Variants in LYN observed in about 807,000 individuals in gnomAD.
LYN encodes tyrosine-protein kinase Lyn.
LYN carries 12 observed loss-of-function variants against 65.0 expected under a neutral mutation model. The observed-to-expected ratio is 0.18, with a 90% CI of 0.12 to 0.30. The LOEUF is 0.30. Ranked by LOEUF, LYN falls within the 10% of genes least tolerant of loss-of-function variation. LYN has a pLI of 1.00. For synonymous variants in LYN, 222 were observed against 221.2 expected (o/e 1.00, Z -0.03); for missense variants, 380 against 623.2 (o/e 0.61, Z 4.16).
chr8:55,988,507 T>C (rs1022510324), intron 10 of LYN, among the ~76,000 whole-genome samples: 9 of 152,172 alleles, frequency 5.9e-5, no homozygotes, highest in African/African-American at 1.7e-4. Flanking sequence ...ATCCTAGGGC[T>C]TTTGAACATC....
intron 1 of LYN, among the ~76,000 whole-genome samples, chr8:55,940,632 A>C (rs1806582528): frequency 6.6e-6 from 1 of 152,158 alleles, no homozygotes; most frequent in Non-Finnish European, 1.5e-5. Flanking sequence ...CCTTGGCTTC[A>C]CAAAGTGCTG....
intron 10 of LYN, among the ~76,000 whole-genome samples, chr8:55,988,291 G>GGTGTGT (rs57413136): frequency 0.16 from 23,237 of 142,028 alleles, 1,948 homozygotes; most frequent in Middle Eastern, 0.22. Flanking sequence ...CAAACTCCCT[G>GGTGTGT]GTGTGTGTGT....
chr8:55,883,573 C>T (rs1226567324), intron 1 of LYN, among the ~76,000 whole-genome samples: 1 of 152,224 alleles, frequency 6.6e-6, no homozygotes, highest in African/African-American at 2.4e-5. Context: ...ATGGTTAATA[C>T]AGAAGTACCT....
intron 10 of LYN, among the ~76,000 whole-genome samples, chr8:55,972,827 A>G (rs1363688362): frequency 6.6e-6 from 1 of 152,148 alleles, no homozygotes; most frequent in Non-Finnish European, 1.5e-5. Context: ...TAGGGTGGAA[A>G]TTTAGGGATA....
At chr8:55,895,794 G>C (rs1046142398) in intron 1 of LYN, 1 of 152,170 alleles carries the variant, frequency 6.6e-6, no homozygotes, top group Non-Finnish European at 1.5e-5. Flanking sequence ...ACGGGGTAAT[G>C]TACCTGGGAG....
At chr8:55,943,851 G>A (rs1806697886) in intron 2 of LYN, among the ~76,000 whole-genome samples, 1 of 152,040 alleles carries the variant, frequency 6.6e-6, no homozygotes, top group South Asian at 2.1e-4. Context: ...GGGAGGCCGA[G>A]GCAGGTGCAT....
At chr8:55,941,582 C>T (rs1374848702) in intron 1 of LYN, among the ~76,000 whole-genome samples, 2 of 152,112 alleles carry the variant, frequency 1.3e-5, no homozygotes, top group Admixed American at 6.5e-5. Context: ...CCTCTGTCAT[C>T]GAGTCTTTAC....
intron 1 of LYN, among the ~76,000 whole-genome samples, chr8:55,913,868 G>C (rs1805709757): frequency 6.6e-6 from 1 of 152,274 alleles, no homozygotes; most frequent in African/African-American, 2.4e-5. Flanking sequence ...AGGTATGAAG[G>C]GCCTTGGAGT....
intron 12 of LYN, among the ~76,000 whole-genome samples, chr8:56,004,334 C>T (rs528124026): frequency 6.7e-6 from 1 of 148,254 alleles, no homozygotes; most frequent in South Asian, 2.1e-4. Context: ...CGCTCCGTCA[C>T]CCAGGCTAGA....
Position 55,890,752 on chromosome 8 carries a change from G to A in LYN, c.-6+10649G>A, listed in dbSNP as rs866536898. On this transcript the variant is annotated intron_variant, in intron 1 of 12. Coordinates refer to ENST00000519728, the MANE Select transcript of LYN (RefSeq NM_002350.4). ...ATTTTTTTTTTTTTTTTTTGAAACAGGGTTTTACTCTGTCACCCGGGCTAG... is the reference window on the plus strand; with the variant it reads ...ATTTTTTTTTTTTTTTTTTGAAACAAGGTTTTACTCTGTCACCCGGGCTAG... Among the ~76,000 whole-genome samples the A allele has an allele frequency of 3.3e-5, 5 of 150,160 alleles. No homozygotes were observed. The Middle Eastern group carries it at 0.01, about 309-fold the overall frequency.
At chr8:55,946,223 C>T (rs989612464) in intron 2 of LYN, among the ~76,000 whole-genome samples, 6 of 152,192 alleles carry the variant, frequency 3.9e-5, no homozygotes, top group East Asian at 3.9e-4. Context: ...CCCAGAACCT[C>T]GCTCCCTTCC....
At chr8:55,902,487 C>T (rs917717119) in intron 1 of LYN, among the ~76,000 whole-genome samples, 1 of 151,642 alleles carries the variant, frequency 6.6e-6, no homozygotes, top group African/African-American at 2.4e-5. Context: ...TCCACAACGC[C>T]CAGCTAATTT....
intron 1 of LYN, among the ~76,000 whole-genome samples, chr8:55,890,116 A>AC (rs1423887083): frequency 9.0e-6 from 1 of 111,022 alleles, no homozygotes; most frequent in East Asian, 3.1e-4. Context: ...GCCTCTATAG[A>AC]CAAAAAAAAA....
intron 1 of LYN, among the ~76,000 whole-genome samples, chr8:55,891,881 G>A (rs181776023): frequency 1.6e-4 from 24 of 152,256 alleles, no homozygotes; most frequent in Non-Finnish European, 3.2e-4. Flanking sequence ...GAGAGGACAG[G>A]ATCTTTACTC....
At chr8:55,946,772 C>A (rs950199927) in intron 3 of LYN, among the ~76,000 whole-genome samples, 1 of 152,130 alleles carries the variant, frequency 6.6e-6, no homozygotes, top group Non-Finnish European at 1.5e-5. Flanking sequence ...CCGCTGGCAA[C>A]CTCCGCTCTT....
At position 55,976,785 on chromosome 8, in the gene LYN, A is replaced by T. The variant is rs78165300; in HGVS notation, c.1050+6992A>T. On this transcript the variant is annotated intron_variant, in intron 10 of 12. Transcript: ENST00000519728. ...GGTGTGGCTGCAGGGATGGGTCTTC[A>T]GTTGTAGGAACCTCGTGCATAAAGG... 9.8e-3 allele frequency among the ~76,000 whole-genome samples: 1,498 copies of T among 152,260 alleles called. 32 individuals carry two copies. Among genetic ancestry groups the T allele is most frequent in the African/African-American group, 0.034 (1,427 of 41,538 alleles).
chr8:55,957,869 G>T (rs573302284), intron 8 of LYN, among the ~76,000 whole-genome samples: 1 of 152,258 alleles, frequency 6.6e-6, no homozygotes, highest in East Asian at 1.9e-4. Context: ...GATCGCTTGA[G>T]CCTAGGAGGC....
At chr8:55,953,506 G>A (rs7843445) in intron 7 of LYN, among the ~76,000 whole-genome samples, 185 of 152,138 alleles carry the variant, frequency 1.2e-3, no homozygotes, top group African/African-American at 4.2e-3. Flanking sequence ...AAACTAGCTG[G>A]GCATAGTGGT....
At chr8:55,932,413 T>TTTTTG (rs113680819) in intron 1 of LYN, among the ~76,000 whole-genome samples, 1,838 of 151,002 alleles carry the variant, frequency 0.012, 17 homozygotes, top group Middle Eastern at 0.031. Flanking sequence ...TATATATATT[T>TTTTTG]TTTGTTTGTT....
Sources: gnomAD v4.1 joint callset for allele counts (sites outside exome capture counted in the v4.1 genomes callset) on GRCh38, gnomAD v4.1.1 for gene constraint, MANE v1.5 for transcripts, NCBI Gene and HGNC (gene_info 2026-07-23, HGNC 2026-07-21) for gene names.